The following TRIO variants were observed in gnomAD, a reference collection of about 807,000 sequenced individuals.
TRIO encodes triple functional domain protein.
A neutral mutation model predicts 351.9 loss-of-function variants in TRIO; 58 were observed. That is an observed-to-expected ratio of 0.16 (90% confidence interval 0.13 to 0.21). TRIO has a LOEUF of 0.21. Among genes scored for constraint, TRIO ranks in the 10% least tolerant of loss-of-function variants. The pLI, the probability that TRIO is intolerant of heterozygous loss-of-function variation, is 1.00. For synonymous variants in TRIO, 1,758 were observed against 1,595.7 expected (o/e 1.10, Z -2.42); for missense variants, 3,201 against 4,027.8 (o/e 0.79, Z 5.56).
In TRIO at chr5:14,286,578, G is replaced by A. The variant is rs978243150; in HGVS notation, c.348-293G>A. 5.3e-5 allele frequency among the ~76,000 whole-genome samples: 8 copies of A among 152,148 alleles called. No homozygotes were observed. Among genetic ancestry groups the A allele is most frequent in the African/African-American group, 1.9e-4 (8 of 41,424 alleles). ...TTAATGCACCAAAGTCAGGAGAAAT[G>A]GGCATGGTGACCGTTGTTTTCCTGA... On this transcript the variant is annotated intron_variant, in intron 3 of 56. Transcript: ENST00000344204. This position sits in a 1 kb window ranked among gnomAD's most constrained non-coding sequence, Gnocchi z 4.4.
chr5:14,397,883 C>T (rs1430118003), intron 29 of TRIO, among the ~76,000 whole-genome samples: 1 of 152,078 alleles, frequency 6.6e-6, no homozygotes, highest in Non-Finnish European at 1.5e-5. Flanking sequence ...ATGATGTCAT[C>T]CAGGACCCAG....
At chr5:14,166,715 C>T (rs936746327) in intron 1 of TRIO, among the ~76,000 whole-genome samples, 11 of 152,254 alleles carry the variant, frequency 7.2e-5, no homozygotes, top group East Asian at 5.8e-4. Flanking sequence ...GCTGGTGGGA[C>T]GTGGTAACTA....
chr5:14,318,016 A>G (rs991429167), intron 9 of TRIO, among the ~76,000 whole-genome samples: 8 of 152,060 alleles, frequency 5.3e-5, no homozygotes, highest in Non-Finnish European at 1.0e-4. Context: ...AATCCCAGCT[A>G]TTTGGAAGGC....
chr5:14,234,631 T>G (rs1008569011), intron 1 of TRIO, among the ~76,000 whole-genome samples: 6 of 152,202 alleles, frequency 3.9e-5, no homozygotes, highest in Non-Finnish European at 1.5e-5. Flanking sequence ...TAGTGAAAAT[T>G]GTTTCTGTTC....
intron 10 of TRIO, among the ~76,000 whole-genome samples, chr5:14,333,690 C>T (rs1741121056): frequency 6.6e-6 from 1 of 152,168 alleles, no homozygotes; most frequent in African/African-American, 2.4e-5. Flanking sequence ...TGAGAAACAG[C>T]CCTGCAGCCA....
At chr5:14,275,961 CATATAT>C (rs1209132015) in intron 2 of TRIO, among the ~76,000 whole-genome samples, 5 of 143,952 alleles carry the variant, frequency 3.5e-5, no homozygotes, top group Non-Finnish European at 6.0e-5. Flanking sequence ...CATATATATA[CATATAT>C]ATACATACAT....
chr5:14,298,015 G>A (rs1027434366), intron 7 of TRIO, among the ~76,000 whole-genome samples: 1 of 152,210 alleles, frequency 6.6e-6, no homozygotes, highest in Middle Eastern at 3.2e-3. Flanking sequence ...TGCAAGGGGT[G>A]GGGGAAAGGG....
chr5:14,507,882 T>A lies in TRIO; in HGVS notation c.8754T>A (p.Pro2918=), dbSNP rs1488599163. Residue 2918 remains proline (P), a splice_region_variant and synonymous_variant, in exon 57 of 57, where the codon CCT becomes CCA. Transcript: ENST00000344204. ...NCRIAHLDLK[P]ENILVDESLA... ...GACAGTTGTATTCTGATTTCCAGCC[T>A]GAGAATATCCTGGTGGATGAGAGTT... 1 of 1,611,702 alleles carries A rather than the reference T, an allele frequency of 6.2e-7. No homozygotes were observed. Among genetic ancestry groups the A allele is most frequent in the Admixed American group, 1.7e-5 (1 of 59,922 alleles).
chr5:14,461,976 CAG>C (rs1411349398), intron 35 of TRIO, among the ~76,000 whole-genome samples: 3 of 152,136 alleles, frequency 2.0e-5, no homozygotes, highest in African/African-American at 7.2e-5. Context: ...TTGCAAGAAA[CAG>C]AATTCCTTCA....
At chr5:14,310,640 A>C (rs1738833629) in intron 8 of TRIO, among the ~76,000 whole-genome samples, 2 of 152,084 alleles carry the variant, frequency 1.3e-5, no homozygotes, top group South Asian at 4.1e-4. Context: ...AAACCAAAAA[A>C]CCACCTCTCC....
At chr5:14,475,496 T>C (rs1307515067) in intron 40 of TRIO, among the ~76,000 whole-genome samples, 2 of 152,244 alleles carry the variant, frequency 1.3e-5, no homozygotes, top group Non-Finnish European at 2.9e-5. Context: ...TATCAAGTAG[T>C]GTTGTTATTT....
At position 14,280,567 on chromosome 5, in the gene TRIO, T is replaced by G. The variant is rs1735905767; in HGVS notation, c.347+131T>G. On this transcript the variant is annotated intron_variant, in intron 3 of 56. Transcript: ENST00000344204. ...GTAGTATAAAATGAAAGTCATTATC[T>G]TTCACCTTATTACCATTTTGTGACC... is the stretch of plus-strand genomic sequence containing the variant. The G allele has an allele frequency of 8.2e-5, 62 of 758,690 alleles. 1 individual carries two copies. The South Asian group carries it at 1.1e-3, about 13-fold the overall frequency. 47.0% of individuals were successfully genotyped at this position (758,690 alleles called of 1,614,324 possible). A position where few individuals can be genotyped will look rare whatever the true frequency, so the allele number is the denominator to read the frequency against.
intron 48 of TRIO, among the ~76,000 whole-genome samples, chr5:14,491,243 C>G (rs183807892): frequency 1.3e-5 from 2 of 152,182 alleles, no homozygotes; most frequent in Non-Finnish European, 2.9e-5. Flanking sequence ...CCTGCTCCAG[C>G]GTGTACTGAT....
intron 1 of TRIO, among the ~76,000 whole-genome samples, chr5:14,242,628 A>AC (rs1185963938): frequency 3.9e-5 from 6 of 152,156 alleles, no homozygotes; most frequent in African/African-American, 1.4e-4. Flanking sequence ...AGGCTGGAGT[A>AC]CGGTGGCAGG....
chr5:14,507,443 A>T (rs1713662163), intron 56 of TRIO, among the ~76,000 whole-genome samples, 183 bp downstream of exon 56: 2 of 152,330 alleles, frequency 1.3e-5, no homozygotes, highest in South Asian at 2.1e-4. Flanking sequence ...TCAGTGATGC[A>T]CACGGTCAGG....
At chr5:14,494,159 A>G (rs984512508) in intron 49 of TRIO, among the ~76,000 whole-genome samples, 16 of 152,256 alleles carry the variant, frequency 1.1e-4, no homozygotes, top group African/African-American at 3.4e-4. Context: ...CTTAAGAACC[A>G]TGCTAATTAT....
chr5:14,221,283 G>A (rs916723555), intron 1 of TRIO, among the ~76,000 whole-genome samples: 1 of 152,108 alleles, frequency 6.6e-6, no homozygotes, highest in Non-Finnish European at 1.5e-5. Context: ...TCACCCAAGA[G>A]CTCTTGTGTA....
intron 1 of TRIO, among the ~76,000 whole-genome samples, chr5:14,232,315 C>G (rs1437323638): frequency 6.6e-6 from 1 of 152,210 alleles, no homozygotes; most frequent in Non-Finnish European, 1.5e-5. Flanking sequence ...ACCACTCCCC[C>G]CAACCCCTCC....
intron 1 of TRIO, among the ~76,000 whole-genome samples, chr5:14,158,300 C>T: frequency 6.6e-6 from 1 of 151,962 alleles, no homozygotes; most frequent in East Asian, 1.9e-4. Context: ...TGGTGCACGC[C>T]TGTAGTCCCA....
Sources: allele counts gnomAD v4.1 joint callset (sites outside exome capture counted in the v4.1 genomes callset), GRCh38; gene constraint gnomAD v4.1.1; non-coding constraint Gnocchi (gnomAD v3.1); transcripts MANE v1.5; gene names NCBI Gene and HGNC (gene_info 2026-07-23, HGNC 2026-07-21).